SYNDIG1: variants seen among roughly 807,000 people sequenced by gnomAD.
The protein encoded by SYNDIG1 is synapse differentiation inducing 1, also known as synapse differentiation-inducing gene protein 1.
SYNDIG1 carries 9 observed loss-of-function variants against 19.4 expected under a neutral mutation model. The ratio of observed to expected loss-of-function variants is 0.46; its 90% CI spans 0.28 to 0.81. SYNDIG1 has a LOEUF of 0.81. Among genes scored for constraint, SYNDIG1 ranks in the 30% least tolerant of loss-of-function variants. The pLI, the probability that SYNDIG1 is intolerant of heterozygous loss-of-function variation, is 0.12. For missense variants in SYNDIG1, 311 were observed against 343.3 expected (o/e 0.91, Z 0.74); for synonymous variants, 141 against 145.9 (o/e 0.97, Z 0.24).
intron 1 of SYNDIG1, among the ~76,000 whole-genome samples, chr20:24,500,530 CTTCTTTCTTTCTTT>C (rs2056426663): frequency 9.4e-6 from 1 of 106,080 alleles, no homozygotes; most frequent in Non-Finnish European, 1.9e-5. Flanking sequence ...TTCTTTCTTT[CTTCTTTCTTTCTTT>C]CTTTCTTTTT....
chr20:24,508,436 C>CCAGGCTGATCT (rs11087469), intron 1 of SYNDIG1, among the ~76,000 whole-genome samples: 146,279 of 150,264 alleles, frequency 0.97, 71,248 homozygotes, highest in African/African-American at 0.99. Context: ...ACCATGTTGG[C>CCAGGCTGATCT]CAAACTCCTG....
chr20:24,573,324 G>T (rs2058175245), intron 2 of SYNDIG1, among the ~76,000 whole-genome samples: 1 of 152,238 alleles, frequency 6.6e-6, no homozygotes, highest in South Asian at 2.1e-4. Flanking sequence ...GCTCGGTTTT[G>T]TTCAGGCAGG....
chr20:24,611,375 T>A lies in SYNDIG1; in HGVS notation c.618+26382T>A, dbSNP rs552209631. Among the ~76,000 whole-genome samples, 10 of 152,304 alleles carry A rather than the reference T, an allele frequency of 6.6e-5. No homozygotes were observed. The South Asian group carries it at 2.1e-3, about 32-fold the overall frequency. The stretch of plus-strand genomic sequence containing the variant: ...CCCCAAGTTAATGCTCCTAAGGCAG[T>A]AAGCTGGTACCTGTCCCCAGCGAAG... On this transcript the variant is annotated intron_variant, in intron 3 of 3. Transcript: ENST00000376862.
intron 3 of SYNDIG1, among the ~76,000 whole-genome samples, chr20:24,626,700 G>C (rs34833930): frequency 0.16 from 23,869 of 151,246 alleles, 1,695 homozygotes; most frequent in East Asian, 0.42. Context: ...CTGCAATCTC[G>C]GCACTTTGGG....
At chr20:24,647,010 G>T (rs777096710) in intron 3 of SYNDIG1, among the ~76,000 whole-genome samples, 9 of 152,288 alleles carry the variant, frequency 5.9e-5, no homozygotes, top group Non-Finnish European at 1.0e-4. Context: ...GGTATTCTGT[G>T]ATAGCAACAC....
chr20:24,506,903 T>C (rs988618952), intron 1 of SYNDIG1, among the ~76,000 whole-genome samples: 2 of 152,100 alleles, frequency 1.3e-5, no homozygotes, highest in African/African-American at 4.8e-5. Context: ...CAAGAAAGCC[T>C]CGGAGCTCAT....
chr20:24,562,821 T>A (rs1350036791), intron 2 of SYNDIG1, among the ~76,000 whole-genome samples: 1 of 152,200 alleles, frequency 6.6e-6, no homozygotes, highest in Non-Finnish European at 1.5e-5. Flanking sequence ...AAGGGAACAA[T>A]GGTCAAAGAA....
intron 3 of SYNDIG1, among the ~76,000 whole-genome samples, chr20:24,626,543 C>A (rs2059139577): frequency 6.6e-6 from 1 of 151,782 alleles, no homozygotes. Context: ...GCACTCCTCA[C>A]TTCCTAGGTG....
chr20:24,586,787 G>T (rs1293820529), intron 3 of SYNDIG1, among the ~76,000 whole-genome samples: 1 of 152,216 alleles, frequency 6.6e-6, no homozygotes, highest in Admixed American at 6.5e-5. Flanking sequence ...ATGGCAAGGG[G>T]CCACAGGGAG....
intron 2 of SYNDIG1, among the ~76,000 whole-genome samples, chr20:24,584,444 T>A (rs1173131325): frequency 6.6e-6 from 1 of 152,210 alleles, no homozygotes; most frequent in Non-Finnish European, 1.5e-5. Flanking sequence ...CGACAGTGCA[T>A]GGTGGCAACG....
chr20:24,502,010 T>C (rs1266314690), intron 1 of SYNDIG1, among the ~76,000 whole-genome samples: 4 of 152,200 alleles, frequency 2.6e-5, no homozygotes. Flanking sequence ...CCTTGGCCAG[T>C]GGCGGGCAGG....
chr20:24,564,524 T>C (rs2058005084), intron 2 of SYNDIG1, among the ~76,000 whole-genome samples: 1 of 152,242 alleles, frequency 6.6e-6, no homozygotes, highest in Admixed American at 6.5e-5. Flanking sequence ...TGATTCTCAG[T>C]GTGCTGTACT....
rs150551167 is a variant in SYNDIG1, at chr20:24,597,302, C to G, written c.618+12309C>G. ...TGGCTTTGTGTCATGGAAATGGCTG[C>G]GTGTACTTTCCCTTGTTCCTGCTAT... On this transcript the variant is annotated intron_variant, in intron 3 of 3. Coordinates refer to ENST00000376862, the MANE Select transcript of SYNDIG1 (RefSeq NM_024893.3). 2.2e-4 allele frequency: 33 copies of G among 152,288 alleles called. 1 individual carries two copies. The highest frequency in any genetic ancestry group is 7.5e-4 in the African/African-American group (31 of 41,532). 9.4% of individuals were successfully genotyped at this position (152,288 alleles called of 1,614,324 possible). A position where few individuals can be genotyped will look rare whatever the true frequency, so the allele number is the denominator to read the frequency against.
intron 2 of SYNDIG1, among the ~76,000 whole-genome samples, chr20:24,554,640 C>T (rs1468946284): frequency 6.6e-6 from 1 of 152,140 alleles, no homozygotes; most frequent in Non-Finnish European, 1.5e-5. Context: ...AGCCTTGCAT[C>T]CCAGGGATGA....
At chr20:24,546,359 T>C (rs2057576766) in intron 2 of SYNDIG1, among the ~76,000 whole-genome samples, 3 of 151,226 alleles carry the variant, frequency 2.0e-5, no homozygotes, top group Admixed American at 1.3e-4. Flanking sequence ...ACACAGTGCC[T>C]TAACAACTCT....
rs542964467 is a variant in SYNDIG1, at chr20:24,629,273, G to A, written c.619-36073G>A. 3.3e-5 allele frequency among the ~76,000 whole-genome samples: 5 copies of A among 152,250 alleles called. No individual in the cohort carries two copies. The South Asian group carries it at 8.3e-4, about 25-fold the overall frequency. ...TGAAGTGGCCTCCCAACAGTGAGGC[G>A]AGTGTGCCTCTGGGGTTCTCAGATG... On this transcript the variant is annotated intron_variant, in intron 3 of 3. Transcript: ENST00000376862.
At chr20:24,478,256 C>T (rs1293543317) in intron 1 of SYNDIG1, among the ~76,000 whole-genome samples, 6 of 152,232 alleles carry the variant, frequency 3.9e-5, no homozygotes, top group South Asian at 4.1e-4. Context: ...CTTATTGCTT[C>T]GGTGTCTGTC....
intron 3 of SYNDIG1, among the ~76,000 whole-genome samples, chr20:24,624,979 C>T (rs982488316): frequency 2.0e-5 from 3 of 152,054 alleles, no homozygotes; most frequent in East Asian, 1.9e-4. Flanking sequence ...TCAAGGAAAA[C>T]TTAAGAATAT....
intron 3 of SYNDIG1, among the ~76,000 whole-genome samples, chr20:24,591,539 T>C (rs1487511963): frequency 6.6e-6 from 1 of 152,160 alleles, no homozygotes; most frequent in Non-Finnish European, 1.5e-5. Context: ...CTTTTGTTTT[T>C]TGTTTTTGCT....
Sources: gnomAD v4.1 joint callset for allele counts (sites outside exome capture counted in the v4.1 genomes callset) on GRCh38, gnomAD v4.1.1 for gene constraint, MANE v1.5 for transcripts, NCBI Gene and HGNC (gene_info 2026-07-23, HGNC 2026-07-21) for gene names.